FAM168B: variants seen among roughly 807,000 people sequenced by gnomAD.
FAM168B encodes family with sequence similarity 168 member B.
In FAM168B, 19 loss-of-function variants were observed where a neutral mutation model predicts 21.8. That is an observed-to-expected ratio of 0.87 (90% CI 0.61 to 1.28). The LOEUF (loss-of-function observed/expected upper bound fraction) is 1.28, where lower values mean the gene tolerates loss of function less well. FAM168B is among the 50% of genes most tolerant of loss of function. FAM168B has a pLI of 0.00. For synonymous variants in FAM168B, 126 were observed against 104.8 expected (o/e 1.20, Z -1.24); for missense variants, 233 against 263.1 (o/e 0.89, Z 0.79).
intron 5 of FAM168B, 142 bp downstream of exon 5, chr2:131,055,130 T>A (rs1691938388): frequency 1.2e-6 from 1 of 814,934 alleles, no homozygotes; most frequent in Non-Finnish European, 1.7e-6. Flanking sequence ...AACCTGCTGT[T>A]TCTTCCCCAA....
chr2:131,055,217 CT>C lies in FAM168B; in HGVS notation c.475+54del, dbSNP rs1416461631. 12 of 1,414,862 alleles carry C rather than the reference CT, an allele frequency of 8.5e-6. No homozygotes were observed. The East Asian group carries it at 3.3e-4, about 39-fold the overall frequency. 87.6% of individuals were successfully genotyped at this position (1,414,862 alleles called of 1,614,324 possible). On this transcript the variant is annotated intron_variant, in intron 5 of 6. Transcript: ENST00000389915. The stretch of plus-strand genomic sequence containing the variant: ...GGTCAGAGGATTCGTGAGCTCTCCC[CT>C]CCCCCAGCTCTAGGGTACACCATAG...
chr2:131,068,489 C>T (rs1692689079), intron 3 of FAM168B, among the ~76,000 whole-genome samples: 1 of 152,164 alleles, frequency 6.6e-6, no homozygotes, highest in Non-Finnish European at 1.5e-5. Flanking sequence ...ACCAATTTCA[C>T]AGCTTCTCCT....
Position 131,049,552 on chromosome 2 carries a change from G to A in FAM168B, c.*2913C>T, listed in dbSNP as rs1438029352. The A allele has an allele frequency of 1.3e-5, 13 of 985,438 alleles. No individual in the cohort carries two copies. Among genetic ancestry groups the A allele is most frequent in the East Asian group, 2.3e-4 (2 of 8,814 alleles). The allele number at this position is 985,438 out of a possible 1,614,324, so 61.0% of individuals were successfully genotyped here. On this transcript the variant is annotated 3_prime_UTR_variant, in exon 7 of 7. Transcript: ENST00000389915. ...ACTGGCTCACACTAAATGCTCAGCC[G>A]CCAGCACAGATCCAAACAAGACCTC...
At chr2:131,064,632 G>A (rs1692465310) in intron 3 of FAM168B, among the ~76,000 whole-genome samples, 1 of 152,118 alleles carries the variant, frequency 6.6e-6, no homozygotes, top group Admixed American at 6.6e-5. Context: ...TCAAAATTGT[G>A]ACTTTTCCAT....
intron 3 of FAM168B, among the ~76,000 whole-genome samples, chr2:131,063,974 A>G (rs1396412790): frequency 3.9e-5 from 6 of 152,164 alleles, no homozygotes; most frequent in Non-Finnish European, 8.8e-5. Context: ...GTACCCAAAA[A>G]TATACACTGC....
rs753258956 is a variant in FAM168B at position 131,054,506 on chromosome 2, A to G, written c.475+766T>C. On this transcript the variant is annotated intron_variant, in intron 5 of 6. Transcript: ENST00000389915. The stretch of plus-strand genomic sequence containing the variant: ...AATCAGAGTCTACATTGAAGCACAC[A>G]TAATAACCCGGAATGCTTTTCTCTC... Among the ~76,000 whole-genome samples the G allele has an allele frequency of 7.9e-5, 12 of 152,244 alleles. 1 individual carries two copies. The highest frequency in any genetic ancestry group is 1.5e-4 in the Non-Finnish European group (10 of 68,038).
chr2:131,051,708 C>G lies in FAM168B; in HGVS notation c.*757G>C, dbSNP rs556861718. On this transcript the variant is annotated 3_prime_UTR_variant, in exon 7 of 7. Transcript: ENST00000389915. ...TGCTTTGCTGACACATAAACCACCC[C>G]CCTCGCCCCAAATTTCACTGGCCAC... 26 of 985,380 alleles carry G rather than the reference C, an allele frequency of 2.6e-5. No homozygotes were observed. Among genetic ancestry groups the G allele is most frequent in the African/African-American group, 1.6e-4 (9 of 57,326 alleles). 61.0% of individuals were successfully genotyped at this position (985,380 alleles called of 1,614,324 possible).
At position 131,049,979 on chromosome 2, in the gene FAM168B, T is replaced by G. The variant is rs2105442764; in HGVS notation, c.*2486A>C. The G allele has an allele frequency of 2.0e-6, 2 of 985,504 alleles. No homozygotes were observed. The highest frequency in any genetic ancestry group is 2.4e-6 in the Non-Finnish European group (2 of 829,952). 61.0% of individuals were successfully genotyped at this position (985,504 alleles called of 1,614,324 possible). ...ATATCTACCTTTCGTATCTGACAGC[T>G]GACGTCCTAAAAATTTCAAAGTCAG... is the stretch of plus-strand genomic sequence containing the variant. On this transcript the variant is annotated 3_prime_UTR_variant, in exon 7 of 7. Coordinates refer to ENST00000389915, the MANE Select transcript of FAM168B (RefSeq NM_001009993.4).
Position 131,049,245 on chromosome 2 carries a change from G to C in FAM168B, c.*3220C>G, listed in dbSNP as rs1691498109. The C allele has an allele frequency of 1.0e-6, 1 of 985,446 alleles. No homozygotes were observed. Among genetic ancestry groups the C allele is most frequent in the Non-Finnish European group, 1.2e-6 (1 of 829,972 alleles). The allele number at this position is 985,446 out of a possible 1,614,324, so 61.0% of individuals were successfully genotyped here. A position where few individuals can be genotyped will look rare whatever the true frequency, so the allele number is the denominator to read the frequency against. ...TCATCACAGCCAGATGATGCCACCAGAAAGAGCAAGGTACTGTATGCCCAG... is the reference window on the plus strand; with the variant it reads ...TCATCACAGCCAGATGATGCCACCACAAAGAGCAAGGTACTGTATGCCCAG... On this transcript the variant is annotated 3_prime_UTR_variant, in exon 7 of 7. Coordinates refer to ENST00000389915, the MANE Select transcript of FAM168B (RefSeq NM_001009993.4).
chr2:131,059,477 G>A (rs1692186315), intron 3 of FAM168B, among the ~76,000 whole-genome samples: 1 of 152,092 alleles, frequency 6.6e-6, no homozygotes, highest in Admixed American at 6.5e-5. Context: ...TGCCGAATGG[G>A]ATCCCCACTG....
chr2:131,050,768 G>T lies in FAM168B; in HGVS notation c.*1697C>A, dbSNP rs1035718184. On this transcript the variant is annotated 3_prime_UTR_variant, in exon 7 of 7. Coordinates refer to ENST00000389915, the MANE Select transcript of FAM168B (RefSeq NM_001009993.4). ...AGAATGCTAGTGGGCATCCTCACTG[G>T]GCGCCAGTGCCCTGACCCAGCTACC... The T allele has an allele frequency of 2.6e-5, 26 of 985,192 alleles. No individual in the cohort carries two copies. In the African/African-American group the frequency reaches 4.2e-4, roughly 16 times the overall value. 61.0% of individuals were successfully genotyped at this position (985,192 alleles called of 1,614,324 possible).
chr2:131,086,009 A>T (rs1210911020), intron 1 of FAM168B, among the ~76,000 whole-genome samples: 1 of 152,164 alleles, frequency 6.6e-6, no homozygotes, highest in East Asian at 1.9e-4. Context: ...TACAGTTCAG[A>T]GTAGGGAGGA....
At chr2:131,081,916 T>C (rs1049043627) in intron 2 of FAM168B, among the ~76,000 whole-genome samples, 13 of 152,204 alleles carry the variant, frequency 8.5e-5, no homozygotes, top group African/African-American at 2.2e-4. Context: ...TTTGGGGTTA[T>C]CTCTTCTACC....
chr2:131,062,699 C>T (rs1005549631), intron 3 of FAM168B, among the ~76,000 whole-genome samples: 3 of 152,206 alleles, frequency 2.0e-5, no homozygotes, highest in East Asian at 1.9e-4. Context: ...CCACCCACCT[C>T]GGCCTCCCAA....
chr2:131,080,160 T>C (rs1693362508), intron 2 of FAM168B, among the ~76,000 whole-genome samples: 1 of 151,370 alleles, frequency 6.6e-6, no homozygotes, highest in South Asian at 2.1e-4. Flanking sequence ...TAAAGGTCAA[T>C]GACTCCAGAG....
intron 1 of FAM168B, among the ~76,000 whole-genome samples, chr2:131,084,877 C>T (rs1693602585): frequency 1.3e-5 from 2 of 152,134 alleles, no homozygotes; most frequent in Admixed American, 1.3e-4. Flanking sequence ...TGTGCATCGC[C>T]ACGTCTGGCT....
In FAM168B at chr2:131,051,533, A is replaced by G; in HGVS notation, c.*932T>C. 6.1e-6 allele frequency: 6 copies of G among 985,330 alleles called. No homozygotes were observed. The highest frequency in any genetic ancestry group is 7.2e-6 in the Non-Finnish European group (6 of 829,880). 61.0% of individuals were successfully genotyped at this position (985,330 alleles called of 1,614,324 possible). Reference sequence around the variant, plus strand: ...TTCTAAGCTAAATAAAGCAGAGGACAATACCTCCTGCAAGCATGGCTGTTT... The same window carrying G: ...TTCTAAGCTAAATAAAGCAGAGGACGATACCTCCTGCAAGCATGGCTGTTT... On this transcript the variant is annotated 3_prime_UTR_variant, in exon 7 of 7. Transcript: ENST00000389915.
intron 3 of FAM168B, among the ~76,000 whole-genome samples, chr2:131,062,963 C>A: frequency 6.6e-6 from 1 of 152,198 alleles, no homozygotes; most frequent in East Asian, 1.9e-4. Flanking sequence ...GTAAGATATA[C>A]TGAGGACCAC....
intron 1 of FAM168B, among the ~76,000 whole-genome samples, chr2:131,089,717 C>CAA (rs1233775927): frequency 5.1e-5 from 5 of 97,296 alleles, no homozygotes; most frequent in East Asian, 3.0e-4. Flanking sequence ...GACTCCATCT[C>CAA]AAAAAAAAAA....
Sources: allele counts gnomAD v4.1 joint callset (sites outside exome capture counted in the v4.1 genomes callset), GRCh38; gene constraint gnomAD v4.1.1; transcripts MANE v1.5; gene names NCBI Gene and HGNC (gene_info 2026-07-23, HGNC 2026-07-21).